Variants in ATF6 observed in about 807,000 individuals in gnomAD.
ATF6 encodes the protein activating transcription factor 6.
ATF6 carries 53 observed loss-of-function variants against 83.6 expected under a neutral mutation model. The ratio of observed to expected loss-of-function variants is 0.63; its 90% CI spans 0.51 to 0.80. The LOEUF (loss-of-function observed/expected upper bound fraction) is 0.80, where lower values mean the gene tolerates loss of function less well. Ranked by LOEUF, ATF6 falls within the 30% of genes least tolerant of loss-of-function variation. ATF6 has a pLI of 0.00. For synonymous variants in ATF6, 288 were observed against 285.8 expected (o/e 1.01, Z -0.08); for missense variants, 744 against 797.9 (o/e 0.93, Z 0.81).
At chr1:161,946,565 T>C (rs1307460177) in intron 15 of ATF6, among the ~76,000 whole-genome samples, 1 of 152,206 alleles carries the variant, frequency 6.6e-6, no homozygotes, top group Non-Finnish European at 1.5e-5. Context: ...CTCTGGGAAT[T>C]TGGTCTCCAA....
Position 161,897,032 on chromosome 1 carries a change from A to G in ATF6, c.1720-15264A>G, listed in dbSNP as rs187646356. Among the ~76,000 whole-genome samples, 368 of 152,366 alleles carry G rather than the reference A, an allele frequency of 2.4e-3. 1 individual carries two copies. Among genetic ancestry groups the G allele is most frequent in the Non-Finnish European group, 4.2e-3 (289 of 68,036 alleles). ...AAATACGCAAACCAGTAAAATTTCA[A>G]CAAATTAACATCCCTTTCAAGTTGT... On this transcript the variant is annotated intron_variant, in intron 14 of 15. Coordinates refer to ENST00000367942, the MANE Select transcript of ATF6 (RefSeq NM_007348.4).
At chr1:161,772,551 G>A (rs1684414121) in intron 1 of ATF6, among the ~76,000 whole-genome samples, 1 of 152,116 alleles carries the variant, frequency 6.6e-6, no homozygotes. Context: ...GTGAGAATGA[G>A]TGGCTTCTTG....
intron 15 of ATF6, among the ~76,000 whole-genome samples, chr1:161,917,622 G>A (rs1052999924): frequency 6.6e-6 from 1 of 152,084 alleles, no homozygotes; most frequent in Admixed American, 6.5e-5. Context: ...GGGTTTCACC[G>A]TGTTAGCCAG....
intron 6 of ATF6, among the ~76,000 whole-genome samples, chr1:161,801,825 AT>A (rs1366574851): frequency 6.6e-6 from 1 of 152,246 alleles, no homozygotes; most frequent in African/African-American, 2.4e-5. Context: ...ATATTAAAGT[AT>A]ATTGTTAATG....
intron 15 of ATF6, among the ~76,000 whole-genome samples, chr1:161,930,061 G>A (rs542997442): frequency 2.8e-4 from 43 of 152,286 alleles, no homozygotes; most frequent in African/African-American, 9.4e-4. Context: ...GTTGAGGTAG[G>A]TGATCTTTAA....
In ATF6 at chr1:161,959,665, G is replaced by A. The variant is rs1158295731; in HGVS notation, c.*1011G>A. On this transcript the variant is annotated 3_prime_UTR_variant, in exon 16 of 16. Coordinates refer to ENST00000367942, the MANE Select transcript of ATF6 (RefSeq NM_007348.4). ...AGCCTGGGCGACAGAGCGAGACTCC[G>A]TCTCAAAAAAAAAAAAAAAAAAAAA... 5 of 75,452 alleles carry A rather than the reference G, an allele frequency of 6.6e-5. No individual in the cohort carries two copies. Among genetic ancestry groups the A allele is most frequent in the Admixed American group, 3.4e-4 (2 of 5,902 alleles). 4.7% of individuals were successfully genotyped at this position (75,452 alleles called of 1,614,324 possible).
intron 15 of ATF6, among the ~76,000 whole-genome samples, chr1:161,917,685 G>T (rs985755609): frequency 5.3e-5 from 8 of 152,166 alleles, no homozygotes; most frequent in Non-Finnish European, 8.8e-5. Flanking sequence ...CTCCCAAAGT[G>T]CTGGGATTAC....
At chr1:161,802,533 CCTT>C (rs998295768) in intron 7 of ATF6, among the ~76,000 whole-genome samples, 1 of 152,128 alleles carries the variant, frequency 6.6e-6, no homozygotes, top group Non-Finnish European at 1.5e-5. Context: ...CTTCTTTACT[CCTT>C]CTTTAGAACC....
chr1:161,930,521 A>G (rs1370214226), intron 15 of ATF6, among the ~76,000 whole-genome samples: 2 of 152,226 alleles, frequency 1.3e-5, no homozygotes, highest in Admixed American at 6.5e-5. Context: ...ATGAAATGCA[A>G]GATTATTCAC....
intron 14 of ATF6, among the ~76,000 whole-genome samples, chr1:161,883,168 CTG>C (rs1687354225): frequency 1.3e-5 from 2 of 152,058 alleles, no homozygotes; most frequent in East Asian, 3.9e-4. Flanking sequence ...CATTATCTAA[CTG>C]GGTTTATTTA....
At chr1:161,853,628 G>A (rs1247089433) in intron 12 of ATF6, among the ~76,000 whole-genome samples, 6 of 152,158 alleles carry the variant, frequency 3.9e-5, no homozygotes. Context: ...AAATGTCTTT[G>A]TCACAATGGT....
intron 15 of ATF6, among the ~76,000 whole-genome samples, chr1:161,950,160 A>G (rs564006979): frequency 6.6e-6 from 1 of 152,338 alleles, no homozygotes; most frequent in East Asian, 1.9e-4. Flanking sequence ...TCAGTAAAAC[A>G]TATGCCAGGC....
intron 12 of ATF6, among the ~76,000 whole-genome samples, chr1:161,854,473 A>G (rs1686712686): frequency 6.6e-6 from 1 of 152,248 alleles, no homozygotes; most frequent in Admixed American, 6.5e-5. Flanking sequence ...TACTGTTAGA[A>G]AGACTGGGAT....
intron 7 of ATF6, among the ~76,000 whole-genome samples, chr1:161,810,699 T>C (rs1685434119): frequency 6.6e-6 from 1 of 152,176 alleles, no homozygotes; most frequent in African/African-American, 2.4e-5. Flanking sequence ...CCATCACTGC[T>C]GTCTAATTCC....
At chr1:161,889,864 T>C (rs1687510132) in intron 14 of ATF6, among the ~76,000 whole-genome samples, 1 of 152,244 alleles carries the variant, frequency 6.6e-6, no homozygotes, top group African/African-American at 2.4e-5. Flanking sequence ...AGAATTTGTC[T>C]TTATAATTCT....
At chr1:161,863,362 A>T in intron 14 of ATF6, 50 bp downstream of exon 14, 4 of 1,196,568 alleles carry the variant, frequency 3.3e-6, no homozygotes, top group African/African-American at 3.0e-5. Flanking sequence ...TGCTTGCCGT[A>T]CACAAGACAT....
At chr1:161,937,947 C>T (rs1367951492) in intron 15 of ATF6, among the ~76,000 whole-genome samples, 1 of 152,136 alleles carries the variant, frequency 6.6e-6, no homozygotes, top group Non-Finnish European at 1.5e-5. Flanking sequence ...TTCCATCTCA[C>T]TCAGAGTCAA....
In ATF6 at chr1:161,851,836, G is replaced by A. The variant is rs1346346230; in HGVS notation, c.1433+1G>A. On this transcript the variant is annotated splice_donor_variant, in intron 11 of 15. Coordinates refer to ENST00000367942, the MANE Select transcript of ATF6 (RefSeq NM_007348.4). LOFTEE classifies it high-confidence loss of function. ...TAATTAACACAACAGAGTCTCTCAG[G>A]TGAGTGTTGTAGATTATTGCAGAAA... 1.2e-6 allele frequency: 2 copies of A among 1,606,240 alleles called. No homozygotes were observed. The highest frequency in any genetic ancestry group is 1.7e-6 in the Non-Finnish European group (2 of 1,173,282).
At chr1:161,918,758 T>TC (rs1688148656) in intron 15 of ATF6, among the ~76,000 whole-genome samples, 1 of 152,182 alleles carries the variant, frequency 6.6e-6, no homozygotes, top group African/African-American at 2.4e-5. Flanking sequence ...GTGGAGGTGA[T>TC]CCCTCTCTCT....
Sources: allele counts gnomAD v4.1 joint callset (sites outside exome capture counted in the v4.1 genomes callset), GRCh38; gene constraint gnomAD v4.1.1; transcripts MANE v1.5; gene names NCBI Gene and HGNC (gene_info 2026-07-23, HGNC 2026-07-21).